SEMA4A: variants seen among roughly 807,000 people sequenced by gnomAD.
SEMA4A encodes semaphorin-4A.
Under a neutral mutation model 72.5 loss-of-function variants are expected in SEMA4A, and 52 were observed. That is an observed-to-expected ratio of 0.72 (90% CI 0.57 to 0.90). SEMA4A has a LOEUF of 0.90. Among genes scored for constraint, SEMA4A ranks in the 40% least tolerant of loss-of-function variants. The probability of loss-of-function intolerance (pLI) is 0.00; values close to 1 mark genes in which losing one functional copy is unlikely to be tolerated. For synonymous variants in SEMA4A, 369 were observed against 393.1 expected, an observed-to-expected ratio of 0.94 and a Z score of 0.73; for missense variants, 926 against 959.7, an observed-to-expected ratio of 0.96 and a Z score of 0.46.
intron 10 of SEMA4A, among the ~76,000 whole-genome samples, chr1:156,165,200 G>A (rs1654045486): frequency 6.6e-6 from 1 of 152,052 alleles, no homozygotes; most frequent in Non-Finnish European, 1.5e-5. Flanking sequence ...CATCTTCCTG[G>A]AGAGCCTTTC....
At position 156,175,698 on chromosome 1, in the gene SEMA4A, G is replaced by A. The variant is rs928449495; in HGVS notation, c.1693+42G>A. The A allele has an allele frequency of 6.2e-6, 9 of 1,459,182 alleles. No homozygotes were observed. The African/African-American group carries it at 1.1e-4, about 18-fold the overall frequency. 90.4% of individuals were successfully genotyped at this position (1,459,182 alleles called of 1,614,324 possible). On this transcript the variant is annotated intron_variant, in intron 14 of 14. Transcript: ENST00000368285. ...TCACCAGGGGAGGTGCAAAGGCTCT[G>A]GAAGACTTTTGGGCAGGGGTGGGCA...
chr1:156,170,368 G>T (rs935009304), intron 10 of SEMA4A, among the ~76,000 whole-genome samples: 1 of 148,350 alleles, frequency 6.7e-6, no homozygotes, highest in South Asian at 2.1e-4. Flanking sequence ...GGAGGCTGAG[G>T]CAGGAGAATC....
intron 6 of SEMA4A, among the ~76,000 whole-genome samples, chr1:156,159,323 G>T (rs1001107605): frequency 6.6e-6 from 1 of 152,034 alleles, no homozygotes. Context: ...AACAAAGCAA[G>T]ACTCTGTCTC....
chr1:156,175,709 G>T (rs952978919), intron 14 of SEMA4A, 53 bp downstream of exon 14: 1 of 1,250,380 alleles, frequency 8.0e-7, no homozygotes, highest in Non-Finnish European at 1.1e-6. Context: ...GAAGACTTTT[G>T]GGCAGGGGTG....
intron 14 of SEMA4A, 123 bp from the exon 15 acceptor site, chr1:156,176,282 C>T: frequency 6.5e-6 from 5 of 765,286 alleles, no homozygotes; most frequent in Non-Finnish European, 1.1e-5. Context: ...GGCAATAGAG[C>T]CAGAACCTGC....
At chr1:156,170,429 C>CTCCAG (rs1654597361) in intron 10 of SEMA4A, among the ~76,000 whole-genome samples, 3 of 135,346 alleles carry the variant, frequency 2.2e-5, no homozygotes, top group African/African-American at 8.6e-5. Context: ...TGCCACTGCA[C>CTCCAG]TCCAGCCTGG....
At chr1:156,169,369 C>T (rs1316978683) in intron 10 of SEMA4A, among the ~76,000 whole-genome samples, 1 of 150,996 alleles carries the variant, frequency 6.6e-6, no homozygotes, top group African/African-American at 2.4e-5. Context: ...TCTTGTTCTC[C>T]CCATCCCTCC....
At position 156,177,235 on chromosome 1, in the gene SEMA4A, C is replaced by T. The variant is rs1489155347; in HGVS notation, c.*238C>T. On this transcript the variant is annotated 3_prime_UTR_variant, in exon 15 of 15. Transcript: ENST00000368285. Reference sequence around the variant, plus strand: ...CTCTCTAACAGGGTGGGGGCTACCCCCAGACCTGCTCCTACACTGATATTG... The same window carrying T: ...CTCTCTAACAGGGTGGGGGCTACCCTCAGACCTGCTCCTACACTGATATTG... The T allele has an allele frequency of 1.7e-6, 1 of 594,104 alleles. No individual in the cohort carries two copies. Among genetic ancestry groups the T allele is most frequent in the Non-Finnish European group, 3.0e-6 (1 of 330,770 alleles). 36.8% of individuals were successfully genotyped at this position (594,104 alleles called of 1,614,324 possible).
intron 10 of SEMA4A, among the ~76,000 whole-genome samples, chr1:156,171,597 GAC>G (rs951583667): frequency 1.3e-4 from 20 of 151,952 alleles, no homozygotes; most frequent in African/African-American, 4.4e-4. Flanking sequence ...TCTTTTTTGA[GAC>G]ACAGTTTCAC....
intron 10 of SEMA4A, among the ~76,000 whole-genome samples, chr1:156,163,985 A>G (rs529766019): frequency 6.7e-6 from 1 of 149,884 alleles, no homozygotes; most frequent in Non-Finnish European, 1.5e-5. Flanking sequence ...AGCTATGATC[A>G]CGAGAATGCA....
Position 156,176,471 on chromosome 1 carries a change from C to A in SEMA4A, c.1760C>A (p.Ala587Asp). The change falls in exon 15 of 15, where the codon GCC becomes GAC. Residue 587 changes from alanine to aspartate, a missense_variant. Physicochemically the swap from Ala to Asp is moderately radical, Grantham distance 126. Coordinates refer to ENST00000368285, the MANE Select transcript of SEMA4A (RefSeq NM_022367.4). ...CCCTGCCCCCACCTGTCAGCCTTGG[C>A]CTCTTATTATTGGAGTCATGGCCCA... ...ELPCPHLSAL[A>D]SYYWSHGPAA... 3 of 1,614,136 alleles carry A rather than the reference C, an allele frequency of 1.9e-6. No individual in the cohort carries two copies. The highest frequency in any genetic ancestry group is 2.5e-6 in the Non-Finnish European group (3 of 1,180,014).
Position 156,172,901 on chromosome 1 carries a change from G to T in SEMA4A, c.1210G>T (p.Gly404Trp). ...TTTCCTGATGGATGAGCAAGTGGTGGGGACGCCCCTGCTGGTGAAATCTGG... is the reference window on the plus strand; with the variant it reads ...TTTCCTGATGGATGAGCAAGTGGTGTGGACGCCCCTGCTGGTGAAATCTGG... ...DHFLMDEQVV[G>W]TPLLVKSGVE... The change falls in exon 11 of 15, where the codon GGG (glycine) becomes TGG (tryptophan). Residue 404 changes from glycine (G) to tryptophan (W), a missense_variant. Physicochemically the swap from Gly to Trp is radical, Grantham distance 184 (BLOSUM62 -2). Transcript: ENST00000368285. 1 of 1,614,182 alleles carries T rather than the reference G, an allele frequency of 6.2e-7. No individual in the cohort carries two copies. Among genetic ancestry groups the T allele is most frequent in the Non-Finnish European group, 8.5e-7 (1 of 1,180,032 alleles).
chr1:156,174,870 A>G lies in SEMA4A; in HGVS notation c.1364A>G (p.His455Arg). 1 of 1,614,184 alleles carries G rather than the reference A, an allele frequency of 6.2e-7. No individual in the cohort carries two copies. The highest frequency in any genetic ancestry group is 1.3e-5 in the African/African-American group (1 of 75,050). ...GTGGTAAGTGGGGACAGCAGTGCTC[A>G]TCTGGTGGAAGAGATTCAGCTGTTC... Reference protein sequence around the residue: ...KAVVSGDSSAHLVEEIQLFPD... With the variant: ...KAVVSGDSSARLVEEIQLFPD... The change falls in exon 12 of 15, where the codon CAT (histidine) becomes CGT (arginine). Residue 455 changes from histidine (H) to arginine (R), a missense_variant. Coordinates refer to ENST00000368285, the MANE Select transcript of SEMA4A (RefSeq NM_022367.4).
At position 156,161,005 on chromosome 1, in the gene SEMA4A, A is replaced by G. The variant is rs745816142; in HGVS notation, c.786A>G (p.Thr262=). 7.0e-7 allele frequency: 1 copy of G among 1,436,232 alleles called. No individual in the cohort carries two copies. The highest frequency in any genetic ancestry group is 9.3e-7 in the Non-Finnish European group (1 of 1,071,118). 89.0% of individuals were successfully genotyped at this position (1,436,232 alleles called of 1,614,324 possible). A position where few individuals can be genotyped will look rare whatever the true frequency, so the allele number is the denominator to read the frequency against. Residue 262 remains threonine (T), a synonymous_variant, in exon 8 of 15, where the codon ACA becomes ACG. Transcript: ENST00000368285. ...TTGACTTCTTTGAGAGGCTCCACACATCGCGGGTGGCTAGAGTCTGCAAGG... is the reference window on the plus strand; with the variant it reads ...TTGACTTCTTTGAGAGGCTCCACACGTCGCGGGTGGCTAGAGTCTGCAAGG... ...SEFDFFERLH[T]SRVARVCKND...
chr1:156,159,157 A>G (rs1653343899), intron 6 of SEMA4A: 1 of 347,404 alleles, frequency 2.9e-6, no homozygotes, highest in Non-Finnish European at 5.4e-6. Context: ...AACATGGTGA[A>G]ACCCCATCTC....
At chr1:156,169,610 T>C (rs1654512534) in intron 10 of SEMA4A, among the ~76,000 whole-genome samples, 1 of 150,396 alleles carries the variant, frequency 6.6e-6, no homozygotes, top group Non-Finnish European at 1.5e-5. Context: ...TTAGTAGAGA[T>C]GGGGTTTCAC....
intron 10 of SEMA4A, among the ~76,000 whole-genome samples, chr1:156,172,068 G>A (rs1558160212): frequency 4.6e-5 from 7 of 151,236 alleles, no homozygotes; most frequent in Admixed American, 1.3e-4. Flanking sequence ...ACAGGCGTGA[G>A]CCACTGTGCC....
At chr1:156,174,787 A>G in intron 11 of SEMA4A, 35 bp from the exon 12 acceptor site, 1 of 1,614,060 alleles carries the variant, frequency 6.2e-7, no homozygotes, top group Non-Finnish European at 8.5e-7. Flanking sequence ...TGTGGATGAG[A>G]TGAGATGACT....
intron 4 of SEMA4A, 114 bp from the exon 5 acceptor site, chr1:156,158,274 T>A: frequency 7.9e-7 from 1 of 1,260,012 alleles, no homozygotes. Context: ...TACAGAGGCG[T>A]ACAGGGACTG....
Sources: gnomAD v4.1 joint callset for allele counts (sites outside exome capture counted in the v4.1 genomes callset) on GRCh38, gnomAD v4.1.1 for gene constraint, MANE v1.5 for transcripts, NCBI Gene and HGNC (gene_info 2026-07-23, HGNC 2026-07-21) for gene names.